Variants in RPL23 observed in about 807,000 individuals in gnomAD.
The protein encoded by RPL23 is ribosomal protein L23, also known as large ribosomal subunit protein uL14.
For missense variants in RPL23, 79 were observed against 178.8 expected (o/e 0.44, Z 3.18); for synonymous variants, 63 against 65.3 (o/e 0.97, Z 0.17).
chr17:38,853,668 G>T, intron 1 of RPL23, 30 bp downstream of exon 1: 1 of 1,614,044 alleles, frequency 6.2e-7, no homozygotes, highest in South Asian at 1.1e-5. Flanking sequence ...ACGACAGATG[G>T]TGGAGGATCC....
chr17:38,851,369 C>T (rs1912997532), intron 3 of RPL23: 1 of 152,316 alleles, frequency 6.6e-6, no homozygotes, highest in African/African-American at 2.4e-5. Flanking sequence ...TTCAAGTAGA[C>T]CTGGTCCTTT....
chr17:38,851,778 G>A (rs1913010211), intron 3 of RPL23: 1 of 152,204 alleles, frequency 6.6e-6, no homozygotes, highest in African/African-American at 2.4e-5. Context: ...GGACAGCATC[G>A]TGGGGTGGAT....
In RPL23 at chr17:38,848,276, T is replaced by C. The variant is rs1159421506; in HGVS notation, c.*1856A>G. ...TTCTTTCCCCCCAGAGTTTCACTGG[T>C]TGCCCAGGCTGGAGCACAATCGTGC... On this transcript the variant is annotated 3_prime_UTR_variant, in exon 5 of 5. Coordinates refer to ENST00000479035, the MANE Select transcript of RPL23 (RefSeq NM_000978.4). The C allele has an allele frequency of 2.3e-6, 1 of 442,358 alleles. No homozygotes were observed. The allele number at this position is 442,358 out of a possible 1,614,324, so 27.4% of individuals were successfully genotyped here. A position where few individuals can be genotyped will look rare whatever the true frequency, so the allele number is the denominator to read the frequency against.
In RPL23 at chr17:38,848,033, C is replaced by G; in HGVS notation, c.*2099G>C. ...AGTGAGCTTCAGTGGTGTTACTGCACTCCAGCCTGTGTGACAGAGCAAGAC... is the reference window on the plus strand; with the variant it reads ...AGTGAGCTTCAGTGGTGTTACTGCAGTCCAGCCTGTGTGACAGAGCAAGAC... On this transcript the variant is annotated 3_prime_UTR_variant, in exon 5 of 5. Coordinates refer to ENST00000479035, the MANE Select transcript of RPL23 (RefSeq NM_000978.4). 6.5e-7 allele frequency: 1 copy of G among 1,549,304 alleles called. No individual in the cohort carries two copies. The highest frequency in any genetic ancestry group is 8.7e-7 in the Non-Finnish European group (1 of 1,146,574).
chr17:38,853,530 C>T (rs953242873), intron 1 of RPL23, 168 bp downstream of exon 1: 5 of 793,602 alleles, frequency 6.3e-6, no homozygotes, highest in Non-Finnish European at 1.1e-5. Context: ...CTCCAGCACC[C>T]CACTGCCACT....
In RPL23 at chr17:38,850,165, G is replaced by A; in HGVS notation, c.390C>T (p.Pro130=). 2 of 1,607,148 alleles carry A rather than the reference G, an allele frequency of 1.2e-6. No homozygotes were observed. The highest frequency in any genetic ancestry group is 1.7e-6 in the Non-Finnish European group (2 of 1,178,080). ...PVAKECADLW[P]RIASNAGSIA is the part of the protein sequence containing the mutation. ...TGCTGCCAGCATTGGATGCAATCCG[G>A]GGCCACAAGTCTGCACACTCCTTTG... The change falls in exon 5 of 5, where the codon CCC becomes CCT. Residue 130 remains proline, a synonymous_variant. Transcript: ENST00000479035.
Position 38,847,996 on chromosome 17 carries a change from G to A in RPL23, c.*2136C>T. On this transcript the variant is annotated 3_prime_UTR_variant, in exon 5 of 5. Coordinates refer to ENST00000479035, the MANE Select transcript of RPL23 (RefSeq NM_000978.4). ...CAGCAGGAGGATTCCAAGTCCAGCA[G>A]TTCAAAGTTACAGTGAGCTTCAGTG... is the stretch of plus-strand genomic sequence containing the variant. 6.5e-7 allele frequency: 1 copy of A among 1,550,308 alleles called. No homozygotes were observed. Among genetic ancestry groups the A allele is most frequent in the African/African-American group, 1.4e-5 (1 of 73,170 alleles).
At chr17:38,852,412 AACT>A in intron 3 of RPL23, 189 bp downstream of exon 3, 1 of 636,522 alleles carries the variant, frequency 1.6e-6, no homozygotes, top group South Asian at 2.2e-5. Flanking sequence ...ACAAAAAAAC[AACT>A]AAGGTATGGA....
Position 38,849,901 on chromosome 17 carries a change from CTTGAGATCAG to C in RPL23, c.*221_*230del, listed in dbSNP as rs1912953091. The stretch of plus-strand genomic sequence containing the variant: ...TGTAGAGGCCTGGGTGGGCAGATCA[CTTGAGATCAG>C]GAGTTTGAGTCGTTTGGCAAACATG... On this transcript the variant is annotated 3_prime_UTR_variant, in exon 5 of 5. Transcript: ENST00000479035. 2.3e-6 allele frequency: 1 copy of C among 433,574 alleles called. No individual in the cohort carries two copies. Among genetic ancestry groups the C allele is most frequent in the Non-Finnish European group, 4.1e-6 (1 of 244,464 alleles). 26.9% of individuals were successfully genotyped at this position (433,574 alleles called of 1,614,324 possible).
rs1912909568 is a variant in RPL23, at chr17:38,848,157, T to A, written c.*1975A>T. On this transcript the variant is annotated 3_prime_UTR_variant, in exon 5 of 5. Transcript: ENST00000479035. ...TATATAAAGACATAAATGGTGGGCC[T>A]AGGGGCTTGTCACACTAAAGCTGAC... 7.7e-7 allele frequency: 1 copy of A among 1,305,062 alleles called. No homozygotes were observed. The highest frequency in any genetic ancestry group is 9.9e-7 in the Non-Finnish European group (1 of 1,010,708). 80.8% of individuals were successfully genotyped at this position (1,305,062 alleles called of 1,614,324 possible). A position where few individuals can be genotyped will look rare whatever the true frequency, so the allele number is the denominator to read the frequency against.
In RPL23 at chr17:38,852,923, T is replaced by C. The variant is rs201588765; in HGVS notation, c.97+99A>G. 203 of 1,397,990 alleles carry C rather than the reference T, an allele frequency of 1.5e-4. 1 individual carries two copies. The highest frequency in any genetic ancestry group is 5.8e-5 in the Non-Finnish European group (57 of 983,424). The allele number at this position is 1,397,990 out of a possible 1,614,324, so 86.6% of individuals were successfully genotyped here. On this transcript the variant is annotated intron_variant, in intron 2 of 4. Transcript: ENST00000479035. ...GTTGCCACTTCACCCAAAAGCGATG[T>C]TTTCACTCTCCCCTTTCTTGACGGC...
At position 38,848,149 on chromosome 17, in the gene RPL23, G is replaced by C; in HGVS notation, c.*1983C>G. 1.5e-6 allele frequency: 2 copies of C among 1,351,062 alleles called. No homozygotes were observed. The highest frequency in any genetic ancestry group is 2.8e-5 in the East Asian group (1 of 35,756). 83.7% of individuals were successfully genotyped at this position (1,351,062 alleles called of 1,614,324 possible). A position where few individuals can be genotyped will look rare whatever the true frequency, so the allele number is the denominator to read the frequency against. On this transcript the variant is annotated 3_prime_UTR_variant, in exon 5 of 5. Coordinates refer to ENST00000479035, the MANE Select transcript of RPL23 (RefSeq NM_000978.4). ...TGCCATAATATATAAAGACATAAAT[G>C]GTGGGCCTAGGGGCTTGTCACACTA...
chr17:38,851,504 C>T (rs1913001173), intron 3 of RPL23: 1 of 152,074 alleles, frequency 6.6e-6, no homozygotes, highest in East Asian at 2.0e-4. Context: ...AGTTTTAAAA[C>T]TGAAGTGTTC....
intron 3 of RPL23, chr17:38,851,174 G>A (rs1231571537): frequency 6.6e-6 from 1 of 152,192 alleles, no homozygotes; most frequent in Non-Finnish European, 1.5e-5. Context: ...TGTAGAGTCA[G>A]ACACACCTGG....
rs1446972213 is a variant in RPL23, at chr17:38,852,721, G to A, written c.109C>T (p.Leu37=). The A allele has an allele frequency of 3.1e-6, 5 of 1,614,106 alleles. No homozygotes were observed. Among genetic ancestry groups the A allele is most frequent in the Non-Finnish European group, 4.2e-6 (5 of 1,180,026 alleles). ...NCADNTGAKN[L]YIISVKGIKG... ...ATCCCCTTCACGGAGATGATATACAGGTTTTTGGCTCCTACAAAAGAATGT... is the reference window on the plus strand; with the variant it reads ...ATCCCCTTCACGGAGATGATATACAAGTTTTTGGCTCCTACAAAAGAATGT... Residue 37 remains leucine, a synonymous_variant, in exon 3 of 5, where the codon CTG becomes TTG. Coordinates refer to ENST00000479035, the MANE Select transcript of RPL23 (RefSeq NM_000978.4).
intron 3 of RPL23, 54 bp from the exon 4 acceptor site, chr17:38,850,529 C>T (rs2143677616): frequency 8.2e-7 from 1 of 1,213,166 alleles, no homozygotes; most frequent in East Asian, 2.3e-5. Flanking sequence ...GCAGTGCCAC[C>T]ACAAAAGCAG....
chr17:38,853,478 G>A, intron 1 of RPL23: 1 of 722,110 alleles, frequency 1.4e-6, no homozygotes, highest in South Asian at 1.5e-5. Context: ...CGATCTCGCG[G>A]TATCCAGACT....
intron 4 of RPL23, 71 bp from the exon 5 acceptor site, chr17:38,850,285 G>A: frequency 2.6e-6 from 4 of 1,549,582 alleles, no homozygotes; most frequent in Non-Finnish European, 3.5e-6. Context: ...GTCAAACACA[G>A]AAGATCCTTG....
In RPL23 at chr17:38,850,129, G is replaced by C. The variant is rs766143298; in HGVS notation, c.*3C>G. ...TTTTATTTTTTACAAATATACTGGA[G>C]AATCATGCAATGCTGCCAGCATTGG... is the stretch of plus-strand genomic sequence containing the variant. On this transcript the variant is annotated 3_prime_UTR_variant, in exon 5 of 5. Transcript: ENST00000479035. 2 of 1,578,816 alleles carry C rather than the reference G, an allele frequency of 1.3e-6. No homozygotes were observed. The highest frequency in any genetic ancestry group is 4.5e-5 in the East Asian group (2 of 44,320).
Sources: gnomAD v4.1 joint callset for allele counts on GRCh38, gnomAD v4.1.1 for gene constraint, MANE v1.5 for transcripts, NCBI Gene and HGNC (gene_info 2026-07-23, HGNC 2026-07-21) for gene names.